Variants in ZBTB8OS observed in about 807,000 individuals in gnomAD.
ZBTB8OS encodes tRNA-splicing ligase-activating factor archease.
Under a neutral mutation model 29.3 loss-of-function variants are expected in ZBTB8OS, and 16 were observed. The ratio of observed to expected loss-of-function variants is 0.55; its 90% CI spans 0.37 to 0.83. The LOEUF (loss-of-function observed/expected upper bound fraction) is 0.83. ZBTB8OS is among the 40% of genes least tolerant of loss of function. ZBTB8OS has a pLI of 0.00. For missense variants in ZBTB8OS, 160 were observed against 196.9 expected (o/e 0.81, Z 1.12); for synonymous variants, 70 against 64.6 (o/e 1.08, Z -0.40).
At chr1:32,631,917 C>A in intron 4 of ZBTB8OS, 38 bp from the exon 5 acceptor site, 3 of 1,054,592 alleles carry the variant, frequency 2.8e-6, no homozygotes, top group South Asian at 1.6e-5. Context: ...AAAAAAAGTT[C>A]ATAATAGACT....
intron 1 of ZBTB8OS, 51 bp downstream of exon 1, chr1:32,650,382 G>C (rs750269315): frequency 1.2e-6 from 2 of 1,609,898 alleles, no homozygotes; most frequent in East Asian, 2.2e-5. Context: ...GGTAAGGAGA[G>C]GGGATGCCTG....
chr1:32,642,963 G>A (rs1216892726), intron 1 of ZBTB8OS, among the ~76,000 whole-genome samples: 1 of 147,862 alleles, frequency 6.8e-6, no homozygotes, highest in African/African-American at 2.5e-5. Context: ...TAGAGACAGA[G>A]TTTCACCATG....
At chr1:32,645,366 C>T (rs796555581) in intron 1 of ZBTB8OS, among the ~76,000 whole-genome samples, 12 of 151,320 alleles carry the variant, frequency 7.9e-5, no homozygotes, top group African/African-American at 2.9e-4. Context: ...GGTGTAGTAG[C>T]CAGGCATAGA....
intron 1 of ZBTB8OS, among the ~76,000 whole-genome samples, chr1:32,637,113 C>G (rs1450985027): frequency 6.6e-6 from 1 of 152,026 alleles, no homozygotes; most frequent in Non-Finnish European, 1.5e-5. Flanking sequence ...CTAAGTCCCC[C>G]TCACTCCTCT....
chr1:32,640,336 A>G (rs1646300505), intron 1 of ZBTB8OS, among the ~76,000 whole-genome samples: 1 of 152,136 alleles, frequency 6.6e-6, no homozygotes, highest in South Asian at 2.1e-4. Flanking sequence ...TCCTGACCTC[A>G]GGCAATCCAC....
chr1:32,646,637 C>T (rs1646858013), intron 1 of ZBTB8OS, among the ~76,000 whole-genome samples: 1 of 150,722 alleles, frequency 6.6e-6, no homozygotes, highest in Non-Finnish European at 1.5e-5. Flanking sequence ...ATCCGCCGGC[C>T]AAAAGTTCTA....
intron 1 of ZBTB8OS, among the ~76,000 whole-genome samples, chr1:32,649,672 T>TCACAC (rs1647164680): frequency 2.0e-5 from 3 of 147,220 alleles, no homozygotes; most frequent in Non-Finnish European, 4.5e-5. Flanking sequence ...ACACACATTT[T>TCACAC]TTTTTTTTTT....
upstream of ZBTB8OS, chr1:32,650,565 T>C: frequency 1.2e-6 from 2 of 1,613,956 alleles, no homozygotes; most frequent in Non-Finnish European, 1.7e-6. Context: ...CCGCCCTTCA[T>C]CCACCGGACT....
intron 5 of ZBTB8OS, among the ~76,000 whole-genome samples, chr1:32,628,322 A>C (rs1476944416): frequency 7.2e-6 from 1 of 139,834 alleles, no homozygotes; most frequent in Non-Finnish European, 1.5e-5. Context: ...GCGCCACTGC[A>C]CTCCACCCTA....
chr1:32,641,020 A>AAAAAAAAAT (rs1191274589), intron 1 of ZBTB8OS, among the ~76,000 whole-genome samples: 5 of 149,266 alleles, frequency 3.3e-5, no homozygotes, highest in Admixed American at 1.3e-4. Context: ...CAAAAAAAAA[A>AAAAAAAAAT]AAATTAGCTG....
chr1:32,650,164 T>C (rs765611825), intron 1 of ZBTB8OS, among the ~76,000 whole-genome samples: 1 of 152,122 alleles, frequency 6.6e-6, no homozygotes, highest in East Asian at 1.9e-4. Flanking sequence ...ATCTTTAGAA[T>C]TTACGAAGAT....
chr1:32,621,006 G>C lies in ZBTB8OS; in HGVS notation c.*856C>G, dbSNP rs949598060. 2 of 152,162 alleles carry C rather than the reference G, an allele frequency of 1.3e-5. No homozygotes were observed. Among genetic ancestry groups the C allele is most frequent in the African/African-American group, 4.8e-5 (2 of 41,448 alleles). 9.4% of individuals were successfully genotyped at this position (152,162 alleles called of 1,614,324 possible). A position where few individuals can be genotyped will look rare whatever the true frequency, so the allele number is the denominator to read the frequency against. On this transcript the variant is annotated 3_prime_UTR_variant, in exon 7 of 7. Coordinates refer to ENST00000468695, the MANE Select transcript of ZBTB8OS (RefSeq NM_178547.5). ...GAGAGAAAAATCAGGGCTCTATCTA[G>C]AGAAGTCTAATTGTTTCTCTACAAA...
Position 32,633,739 on chromosome 1 carries a change from C to A in ZBTB8OS, c.245-12G>T. On this transcript the variant is annotated splice_polypyrimidine_tract_variant and intron_variant, in intron 3 of 6. Transcript: ENST00000468695. ...CTGTAAGTCATCTCCTACACAAGATCAAATAGTATATTTAATAATTCTGGT... is the reference window on the plus strand; with the variant it reads ...CTGTAAGTCATCTCCTACACAAGATAAAATAGTATATTTAATAATTCTGGT... The A allele has an allele frequency of 6.4e-7, 1 of 1,563,822 alleles. No homozygotes were observed. Among genetic ancestry groups the A allele is most frequent in the South Asian group, 1.2e-5 (1 of 84,722 alleles).
At chr1:32,637,869 T>C (rs1646102589) in intron 1 of ZBTB8OS, among the ~76,000 whole-genome samples, 1 of 152,136 alleles carries the variant, frequency 6.6e-6, no homozygotes, top group South Asian at 2.1e-4. Flanking sequence ...TCTCTCGCTC[T>C]GTAGCCCCGG....
chr1:32,646,309 G>A (rs1469346230), intron 1 of ZBTB8OS, among the ~76,000 whole-genome samples: 2 of 151,418 alleles, frequency 1.3e-5, no homozygotes, highest in African/African-American at 2.4e-5. Context: ...GTGACAGAAT[G>A]AGACTGTCTC....
Position 32,650,341 on chromosome 1 carries a change from G to A in ZBTB8OS, c.97+92C>T, listed in dbSNP as rs974995577. The A allele has an allele frequency of 1.6e-5, 24 of 1,522,706 alleles. No homozygotes were observed. In the South Asian group the frequency reaches 1.8e-4, roughly 11 times the overall value. The allele number at this position is 1,522,706 out of a possible 1,614,324, so 94.3% of individuals were successfully genotyped here. On this transcript the variant is annotated intron_variant, in intron 1 of 6. Coordinates refer to ENST00000468695, the MANE Select transcript of ZBTB8OS (RefSeq NM_178547.5). ...GGGATCATGCCTGAAGTACCCATGG[G>A]GCACAGTAGAAAGAGCAGCAGGAAG...
intron 6 of ZBTB8OS, among the ~76,000 whole-genome samples, chr1:32,626,881 A>C (rs1645167530): frequency 6.6e-6 from 1 of 152,214 alleles, no homozygotes; most frequent in Non-Finnish European, 1.5e-5. Context: ...TTGGGGAAAA[A>C]AATCAAAACA....
In ZBTB8OS at chr1:32,627,765, G is replaced by C. The variant is rs945303697; in HGVS notation, c.381-221C>G. 8 of 554,846 alleles carry C rather than the reference G, an allele frequency of 1.4e-5. No homozygotes were observed. In the East Asian group the frequency reaches 2.2e-4, roughly 15 times the overall value. 34.4% of individuals were successfully genotyped at this position (554,846 alleles called of 1,614,324 possible). A position where few individuals can be genotyped will look rare whatever the true frequency, so the allele number is the denominator to read the frequency against. On this transcript the variant is annotated intron_variant, in intron 5 of 6. Coordinates refer to ENST00000468695, the MANE Select transcript of ZBTB8OS (RefSeq NM_178547.5). ...AAGGTTGATAGTTAAGGCCAGGTGC[G>C]GTGGCTCATACCTATAATCCTGGCA...
intron 1 of ZBTB8OS, among the ~76,000 whole-genome samples, chr1:32,639,217 G>A (rs1244373789): frequency 6.6e-6 from 1 of 151,428 alleles, no homozygotes; most frequent in East Asian, 2.0e-4. Flanking sequence ...AGAGCTGCTT[G>A]GACCTGGGAG....
Sources: allele counts gnomAD v4.1 joint callset (sites outside exome capture counted in the v4.1 genomes callset), GRCh38; gene constraint gnomAD v4.1.1; transcripts MANE v1.5; gene names NCBI Gene and HGNC (gene_info 2026-07-23, HGNC 2026-07-21).